The following DNAH12 variants were observed in gnomAD, a reference collection of about 807,000 sequenced individuals.
DNAH12 encodes the protein axonemal beta dynein heavy chain 12.
DNAH12 carries 285 observed loss-of-function variants against 371.5 expected under a neutral mutation model. That is an observed-to-expected ratio of 0.77 (90% CI 0.70 to 0.85). The LOEUF is 0.85. DNAH12 is among the 40% of genes least tolerant of loss of function. The pLI is 0.00. For synonymous variants in DNAH12, 1,200 were observed against 1,213.0 expected (o/e 0.99, Z 0.22); for missense variants, 3,611 against 3,689.4 (o/e 0.98, Z 0.55).
chr3:57,411,859 C>G (rs967864516), intron 39 of DNAH12, among the ~76,000 whole-genome samples: 2 of 152,080 alleles, frequency 1.3e-5, no homozygotes, highest in Admixed American at 1.3e-4. Flanking sequence ...AGGCCAAAGT[C>G]CCAGATTAGT....
At chr3:57,357,692 T>G (rs1215515584) in intron 58 of DNAH12, among the ~76,000 whole-genome samples, 2 of 152,194 alleles carry the variant, frequency 1.3e-5, no homozygotes, top group African/African-American at 2.4e-5. Flanking sequence ...TGCTTATTCT[T>G]TGACTGACTG....
chr3:57,484,338 C>T (rs2066856411), intron 12 of DNAH12, among the ~76,000 whole-genome samples: 1 of 152,074 alleles, frequency 6.6e-6, no homozygotes, highest in South Asian at 2.1e-4. Context: ...GGATATGAAC[C>T]TAGATATCCT....
intron 12 of DNAH12, among the ~76,000 whole-genome samples, chr3:57,487,225 C>T (rs2066948096): frequency 6.9e-6 from 1 of 145,774 alleles, no homozygotes; most frequent in South Asian, 2.1e-4. Context: ...CACTTGAGTC[C>T]AGGAGTTTGA....
At position 57,301,710 on chromosome 3, in the gene DNAH12, ACACACACACACACACAC is replaced by A. The variant is rs2061350307; in HGVS notation, c.11394+8_11394+24del. The stretch of plus-strand genomic sequence containing the variant: ...CACACACACACACACACACACACAC[ACACACACACACACACAC>A]ATTTTACCTGTAAAAAGTTCAACCG... On this transcript the variant is annotated splice_region_variant and intron_variant, in intron 70 of 73. Coordinates refer to ENST00000495027, the MANE Select transcript of DNAH12 (RefSeq NM_001366028.2). 3.3e-6 allele frequency: 5 copies of A among 1,533,812 alleles called. No individual in the cohort carries two copies. The highest frequency in any genetic ancestry group is 2.5e-5 in the East Asian group (1 of 40,738).
intron 43 of DNAH12, among the ~76,000 whole-genome samples, chr3:57,396,275 T>A (rs1394038518): frequency 7.7e-5 from 4 of 51,646 alleles, no homozygotes; most frequent in East Asian, 1.3e-3. Context: ...CAAGACTGCA[T>A]CTCAAAAAAA....
intron 59 of DNAH12, among the ~76,000 whole-genome samples, chr3:57,354,739 T>C (rs1359145532): frequency 1.3e-5 from 2 of 152,082 alleles, no homozygotes; most frequent in Non-Finnish European, 2.9e-5. Context: ...GGTAGATGAT[T>C]AAACAGATTT....
intron 55 of DNAH12, among the ~76,000 whole-genome samples, chr3:57,368,794 CAT>C (rs2063104996): frequency 6.6e-6 from 1 of 152,124 alleles, no homozygotes; most frequent in Non-Finnish European, 1.5e-5. Flanking sequence ...TGTTCAAGAA[CAT>C]ATGATTCATG....
intron 60 of DNAH12, among the ~76,000 whole-genome samples, chr3:57,336,077 G>A (rs2062215537): frequency 6.6e-6 from 1 of 152,162 alleles, no homozygotes; most frequent in African/African-American, 2.4e-5. Flanking sequence ...AAACTTCTGA[G>A]CTTAAGTAAT....
intron 2 of DNAH12, among the ~76,000 whole-genome samples, chr3:57,535,934 T>C (rs1360721280): frequency 6.6e-6 from 1 of 151,920 alleles, no homozygotes; most frequent in East Asian, 1.9e-4. Flanking sequence ...CCTCCCGGGT[T>C]CAAGTGATTC....
intron 4 of DNAH12, among the ~76,000 whole-genome samples, chr3:57,522,422 T>G (rs981063228): frequency 8.5e-5 from 13 of 152,150 alleles, no homozygotes; most frequent in Admixed American, 5.9e-4. Context: ...TTAAATACAT[T>G]TGGCAATTTG....
chr3:57,356,392 G>C (rs1285757386), intron 59 of DNAH12, among the ~76,000 whole-genome samples: 6 of 151,480 alleles, frequency 4.0e-5, no homozygotes, highest in Non-Finnish European at 8.8e-5. Flanking sequence ...GCAGTGAGCT[G>C]TGATTGTGCC....
At chr3:57,324,723 G>T (rs2061893317) in intron 62 of DNAH12, among the ~76,000 whole-genome samples, 2 of 152,212 alleles carry the variant, frequency 1.3e-5, no homozygotes, top group South Asian at 4.1e-4. Flanking sequence ...GTGGGCGCAG[G>T]TCAGTGGGTG....
chr3:57,485,644 C>G (rs1011112904), intron 12 of DNAH12, among the ~76,000 whole-genome samples: 2 of 152,096 alleles, frequency 1.3e-5, no homozygotes, highest in Non-Finnish European at 2.9e-5. Context: ...CGTGATCCAC[C>G]TGCTTCAGCC....
At chr3:57,489,408 G>C in intron 12 of DNAH12, 101 bp downstream of exon 12, 1 of 1,207,996 alleles carries the variant, frequency 8.3e-7, no homozygotes, top group Non-Finnish European at 1.1e-6. Context: ...AAAGTTGTAC[G>C]TACTTACATA....
chr3:57,443,261 C>T (rs2065366743), intron 29 of DNAH12, among the ~76,000 whole-genome samples: 1 of 152,110 alleles, frequency 6.6e-6, no homozygotes, highest in African/African-American at 2.4e-5. Context: ...AGGCGTGCAC[C>T]ACCATGCCCC....
intron 18 of DNAH12, 111 bp downstream of exon 18, chr3:57,462,579 C>T (rs1033721615): frequency 1.6e-6 from 2 of 1,276,414 alleles, no homozygotes; most frequent in Non-Finnish European, 2.1e-6. Flanking sequence ...CACTCTCCCC[C>T]ATCACCTCCC....
rs548061207 is a variant in DNAH12, at chr3:57,509,056, T to G, written c.542+84A>C. Reference sequence around the variant, plus strand: ...TTCAAAATACCTTTGAGCATCACAATTGTATACTTGAAGGTAAGATCAGTT... The same window carrying G: ...TTCAAAATACCTTTGAGCATCACAAGTGTATACTTGAAGGTAAGATCAGTT... On this transcript the variant is annotated intron_variant, in intron 6 of 73. Transcript: ENST00000495027. 3.8e-5 allele frequency: 45 copies of G among 1,194,310 alleles called. No individual in the cohort carries two copies. In the East Asian group the frequency reaches 1.0e-3, roughly 27 times the overall value. 74.0% of individuals were successfully genotyped at this position (1,194,310 alleles called of 1,614,324 possible).
chr3:57,328,739 G>A (rs1322546224), intron 62 of DNAH12, among the ~76,000 whole-genome samples: 1 of 130,330 alleles, frequency 7.7e-6, no homozygotes, highest in Non-Finnish European at 1.6e-5. Context: ...GGAAATAAAG[G>A]GTATTCAATT....
intron 60 of DNAH12, among the ~76,000 whole-genome samples, chr3:57,350,051 C>T (rs2062634155): frequency 6.6e-6 from 1 of 152,126 alleles, no homozygotes; most frequent in Non-Finnish European, 1.5e-5. Context: ...AAGCAAACTT[C>T]GTATGTTCTC....
Sources: allele counts gnomAD v4.1 joint callset (sites outside exome capture counted in the v4.1 genomes callset), GRCh38; gene constraint gnomAD v4.1.1; transcripts MANE v1.5; gene names NCBI Gene and HGNC (gene_info 2026-07-23, HGNC 2026-07-21).